CDKAL1: variants seen among roughly 807,000 people sequenced by gnomAD.
The protein encoded by CDKAL1 is CDKAL1 threonylcarbamoyladenosine tRNA methylthiotransferase, also known as threonylcarbamoyladenosine tRNA methylthiotransferase.
In CDKAL1, 32 loss-of-function variants were observed where a neutral mutation model predicts 68.2. That is an observed-to-expected ratio of 0.47 (90% CI 0.35 to 0.63). The LOEUF (loss-of-function observed/expected upper bound fraction) is 0.63, where lower values mean the gene tolerates loss of function less well. Among genes scored for constraint, CDKAL1 ranks in the 30% least tolerant of loss-of-function variants. The pLI is 0.00. For missense variants in CDKAL1, 606 were observed against 696.7 expected, an observed-to-expected ratio of 0.87 and a Z score of 1.47; for synonymous variants, 234 against 244.3, an observed-to-expected ratio of 0.96 and a Z score of 0.39.
chr6:21,050,671 C>T (rs755765905), intron 11 of CDKAL1, among the ~76,000 whole-genome samples: 1 of 152,026 alleles, frequency 6.6e-6, no homozygotes, highest in Non-Finnish European at 1.5e-5. Flanking sequence ...GTGTAGAAAA[C>T]CAATTAGGAA....
At chr6:20,652,914 T>G (rs1459476579) in intron 5 of CDKAL1, among the ~76,000 whole-genome samples, 1 of 152,250 alleles carries the variant, frequency 6.6e-6, no homozygotes, top group Admixed American at 6.5e-5. Flanking sequence ...ATTTCCTTAC[T>G]TTTATTAGTT....
intron 13 of CDKAL1, among the ~76,000 whole-genome samples, chr6:21,117,906 G>A (rs533582953): frequency 7.9e-5 from 12 of 152,260 alleles, no homozygotes; most frequent in East Asian, 1.9e-4. Context: ...AGGCTAACAC[G>A]TGTGTCAGCT....
intron 13 of CDKAL1, among the ~76,000 whole-genome samples, chr6:21,141,620 C>T (rs1432265829): frequency 2.0e-5 from 3 of 152,212 alleles, no homozygotes; most frequent in Non-Finnish European, 4.4e-5. Flanking sequence ...TTCCTCATAA[C>T]TTTATGCCAA....
chr6:20,780,670 C>CTTTTTTTTTTTTTTTTTTTTTTTT (rs1223553462), intron 7 of CDKAL1, among the ~76,000 whole-genome samples: 1 of 38,180 alleles, frequency 2.6e-5, no homozygotes, highest in African/African-American at 7.6e-5. Context: ...ATTTCTTTTT[C>CTTTTTTTTTTTTTTTTTTTTTTTT]TTTTTTTTTT....
At chr6:20,594,463 G>A (rs1479885250) in intron 4 of CDKAL1, among the ~76,000 whole-genome samples, 1 of 152,010 alleles carries the variant, frequency 6.6e-6, no homozygotes, top group East Asian at 1.9e-4. Context: ...GATCTTTGTT[G>A]GTTTAAAGTC....
intron 9 of CDKAL1, among the ~76,000 whole-genome samples, chr6:20,945,501 CCTATTTTT>C (rs1764194116): frequency 6.6e-6 from 1 of 152,090 alleles, no homozygotes; most frequent in South Asian, 2.1e-4. Flanking sequence ...TGAGGGTGAG[CCTATTTTT>C]CTATTCATTT....
chr6:21,143,801 C>G (rs1000379467), intron 13 of CDKAL1, among the ~76,000 whole-genome samples: 1 of 152,246 alleles, frequency 6.6e-6, no homozygotes, highest in South Asian at 2.1e-4. Flanking sequence ...TGCCAGAATT[C>G]TCCAGACCTG....
intron 5 of CDKAL1, among the ~76,000 whole-genome samples, chr6:20,724,503 G>A (rs1322816181): frequency 6.6e-6 from 1 of 152,020 alleles, no homozygotes; most frequent in Non-Finnish European, 1.5e-5. Context: ...GATGGCTTGA[G>A]TTTAGGAGAT....
intron 5 of CDKAL1, among the ~76,000 whole-genome samples, chr6:20,678,759 A>G (rs944182489): frequency 6.6e-5 from 10 of 152,034 alleles, no homozygotes; most frequent in African/African-American, 2.4e-4. Context: ...AAAATTATAT[A>G]TATTATTTTT....
At chr6:21,002,817 G>A (rs376777154) in intron 11 of CDKAL1, among the ~76,000 whole-genome samples, 17 of 151,332 alleles carry the variant, frequency 1.1e-4, no homozygotes, top group Non-Finnish European at 1.9e-4. Flanking sequence ...GTGAAACCCC[G>A]TCTGTATCAA....
chr6:21,016,148 A>ATG (rs547298106), intron 11 of CDKAL1, among the ~76,000 whole-genome samples: 99 of 132,596 alleles, frequency 7.5e-4, no homozygotes, highest in Admixed American at 2.4e-3. Context: ...GTGTATATAT[A>ATG]TGTGTATATA....
At chr6:20,891,678 G>A (rs1223029400) in intron 9 of CDKAL1, among the ~76,000 whole-genome samples, 3 of 151,946 alleles carry the variant, frequency 2.0e-5, no homozygotes, top group Non-Finnish European at 4.4e-5. Flanking sequence ...GGGACTACAG[G>A]CATGCGCCAC....
At chr6:21,121,050 G>A (rs1474685230) in intron 13 of CDKAL1, among the ~76,000 whole-genome samples, 11 of 152,176 alleles carry the variant, frequency 7.2e-5, no homozygotes, top group Admixed American at 5.9e-4. Flanking sequence ...TCAGCAAGAT[G>A]TTCCAGTGTA....
At chr6:20,946,876 C>T (rs1200948165) in intron 9 of CDKAL1, among the ~76,000 whole-genome samples, 1 of 152,154 alleles carries the variant, frequency 6.6e-6, no homozygotes, top group Non-Finnish European at 1.5e-5. Flanking sequence ...GGGTTACAGG[C>T]ATGAGCCACT....
At chr6:20,948,177 C>T (rs1203765295) in intron 9 of CDKAL1, among the ~76,000 whole-genome samples, 1 of 151,908 alleles carries the variant, frequency 6.6e-6, no homozygotes, top group Non-Finnish European at 1.5e-5. Flanking sequence ...CTACCATGCC[C>T]AACTAATTTT....
Position 20,765,296 on chromosome 6 carries a change from A to G in CDKAL1, c.517+6653A>G, listed in dbSNP as rs1414529315. Among the ~76,000 whole-genome samples, 2 of 83,420 alleles carry G rather than the reference A, an allele frequency of 2.4e-5. 1 individual carries two copies. The highest frequency in any genetic ancestry group is 4.7e-5 in the Non-Finnish European group (2 of 42,888). The allele number at this position is 83,420 out of a possible 152,430, so 54.7% of individuals were successfully genotyped here. On this transcript the variant is annotated intron_variant, in intron 7 of 15. Coordinates refer to ENST00000274695, the MANE Select transcript of CDKAL1 (RefSeq NM_017774.3). ...CTCAGCCTCCCAAGTAGCTGGGACT[A>G]CAGGCGCCCGCCACTACGCCCGGCT...
At chr6:21,029,647 C>A (rs1166197888) in intron 11 of CDKAL1, among the ~76,000 whole-genome samples, 1 of 151,980 alleles carries the variant, frequency 6.6e-6, no homozygotes, top group Non-Finnish European at 1.5e-5. Context: ...AAAAAACAAA[C>A]CCATCAGAAA....
intron 15 of CDKAL1, among the ~76,000 whole-genome samples, chr6:21,205,980 A>G (rs371683984): frequency 0.011 from 1,646 of 144,906 alleles, 33 homozygotes; most frequent in African/African-American, 0.038. Flanking sequence ...GACTACAGGC[A>G]CCCGCCACCG....
rs1156412283 is a variant in CDKAL1 at position 20,765,305 on chromosome 6, C to T, written c.517+6662C>T. ...CCAAGTAGCTGGGACTACAGGCGCCCGCCACTACGCCCGGCTAATTTTTTG... is the reference window on the plus strand; with the variant it reads ...CCAAGTAGCTGGGACTACAGGCGCCTGCCACTACGCCCGGCTAATTTTTTG... On this transcript the variant is annotated intron_variant, in intron 7 of 15. Coordinates refer to ENST00000274695, the MANE Select transcript of CDKAL1 (RefSeq NM_017774.3). Among the ~76,000 whole-genome samples the T allele has an allele frequency of 4.7e-5, 4 of 85,060 alleles. 2 individuals carry two copies. Among genetic ancestry groups the T allele is most frequent in the East Asian group, 1.4e-3 (2 of 1,454 alleles). The allele number at this position is 85,060 out of a possible 152,430, so 55.8% of individuals were successfully genotyped here. A position where few individuals can be genotyped will look rare whatever the true frequency, so the allele number is the denominator to read the frequency against.
Sources: gnomAD v4.1 joint callset for allele counts (sites outside exome capture counted in the v4.1 genomes callset) on GRCh38, gnomAD v4.1.1 for gene constraint, MANE v1.5 for transcripts, NCBI Gene and HGNC (gene_info 2026-07-23, HGNC 2026-07-21) for gene names.